NELL1: variants seen among roughly 807,000 people sequenced by gnomAD.
NELL1 encodes the protein protein kinase C-binding protein NELL1.
NELL1 carries 76 observed loss-of-function variants against 107.4 expected under a neutral mutation model. That is an observed-to-expected ratio of 0.71 (90% confidence interval 0.59 to 0.86). The LOEUF (loss-of-function observed/expected upper bound fraction) is 0.86. Among genes scored for constraint, NELL1 ranks in the 40% least tolerant of loss-of-function variants. The pLI is 0.00. For synonymous variants in NELL1, 353 were observed against 341.2 expected (o/e 1.03, Z -0.38); for missense variants, 1,024 against 1,005.5 (o/e 1.02, Z -0.25).
intron 14 of NELL1, among the ~76,000 whole-genome samples, chr11:21,328,852 C>G (rs1308915840): frequency 6.6e-6 from 1 of 152,106 alleles, no homozygotes; most frequent in Non-Finnish European, 1.5e-5. Flanking sequence ...GCCTGTAGCC[C>G]CTTTGTTTTG....
chr11:20,764,839 A>G (rs1383150557), intron 2 of NELL1, among the ~76,000 whole-genome samples: 1 of 152,038 alleles, frequency 6.6e-6, no homozygotes, highest in African/African-American at 2.4e-5. Context: ...ATCTCCAATC[A>G]AGGAATGAGA....
chr11:21,335,869 A>G (rs1266796388), intron 14 of NELL1, among the ~76,000 whole-genome samples: 7 of 152,094 alleles, frequency 4.6e-5, no homozygotes, highest in Admixed American at 4.6e-4. Context: ...AGCCCAGCCC[A>G]AAAGACAGAG....
intron 14 of NELL1, among the ~76,000 whole-genome samples, chr11:21,310,324 C>T (rs1042591923): frequency 2.4e-4 from 36 of 151,934 alleles, no homozygotes; most frequent in African/African-American, 7.5e-4. Flanking sequence ...CTGATAATTA[C>T]GGTATTACCT....
intron 15 of NELL1, among the ~76,000 whole-genome samples, chr11:21,454,009 T>C (rs1265655478): frequency 6.7e-6 from 1 of 149,648 alleles, no homozygotes; most frequent in Non-Finnish European, 1.5e-5. Flanking sequence ...ACATGTGCCA[T>C]GCTGGTGCGC....
At chr11:21,090,184 G>A (rs1565053747) in intron 12 of NELL1, among the ~76,000 whole-genome samples, 1 of 152,150 alleles carries the variant, frequency 6.6e-6, no homozygotes, top group Non-Finnish European at 1.5e-5. Flanking sequence ...GGTGTTAAAT[G>A]GCCCAGAAAC....
chr11:20,800,086 ATT>A (rs900255926), intron 3 of NELL1, among the ~76,000 whole-genome samples: 2 of 152,016 alleles, frequency 1.3e-5, no homozygotes, highest in Non-Finnish European at 2.9e-5. Flanking sequence ...TACGTACTAG[ATT>A]TTCTTTATCC....
chr11:21,194,455 A>G (rs778691587), intron 13 of NELL1, among the ~76,000 whole-genome samples: 1 of 151,880 alleles, frequency 6.6e-6, no homozygotes, highest in Non-Finnish European at 1.5e-5. Flanking sequence ...GGACCCCCCC[A>G]TAGAGATTCT....
At chr11:21,532,352 A>G (rs1183549493) in intron 15 of NELL1, among the ~76,000 whole-genome samples, 5 of 152,206 alleles carry the variant, frequency 3.3e-5, no homozygotes, top group African/African-American at 1.2e-4. Context: ...ATATCTGTGA[A>G]TTGAAAAAGT....
At chr11:21,462,772 C>T (rs978052152) in intron 15 of NELL1, among the ~76,000 whole-genome samples, 4 of 152,090 alleles carry the variant, frequency 2.6e-5, no homozygotes, top group East Asian at 3.9e-4. Flanking sequence ...AAGAGTCTAA[C>T]GTAGAAAAAT....
intron 2 of NELL1, among the ~76,000 whole-genome samples, chr11:20,716,747 C>A (rs754672173): frequency 6.6e-6 from 1 of 152,196 alleles, no homozygotes; most frequent in Non-Finnish European, 1.5e-5. Context: ...AACTTCTTCA[C>A]TTCATTTTTA....
chr11:21,459,281 T>G (rs1853835816), intron 15 of NELL1, among the ~76,000 whole-genome samples: 1 of 142,836 alleles, frequency 7.0e-6, no homozygotes, highest in African/African-American at 2.6e-5. Flanking sequence ...GTGCTATAAA[T>G]GAAGTAACCT....
At chr11:21,544,455 G>A (rs1247482065) in intron 16 of NELL1, among the ~76,000 whole-genome samples, 1 of 151,900 alleles carries the variant, frequency 6.6e-6, no homozygotes, top group Non-Finnish European at 1.5e-5. Context: ...AGTGATTAGA[G>A]AATATCAAAG....
intron 12 of NELL1, among the ~76,000 whole-genome samples, chr11:21,095,470 A>G (rs1854619169): frequency 6.6e-6 from 1 of 152,128 alleles, no homozygotes; most frequent in Admixed American, 6.5e-5. Context: ...TTACTGTATT[A>G]GTTTGTTTTC....
At chr11:21,492,526 G>A (rs1378172585) in intron 15 of NELL1, among the ~76,000 whole-genome samples, 1 of 151,784 alleles carries the variant, frequency 6.6e-6, no homozygotes, top group South Asian at 2.1e-4. Flanking sequence ...ACTGGATTAA[G>A]AAAATGTGGC....
At chr11:21,227,839 T>C (rs946321360) in intron 13 of NELL1, among the ~76,000 whole-genome samples, 5 of 152,194 alleles carry the variant, frequency 3.3e-5, no homozygotes, top group Admixed American at 3.3e-4. Flanking sequence ...ATCAGATGCA[T>C]GTGTGTGCCC....
chr11:21,268,532 C>T (rs1848678743), intron 14 of NELL1, among the ~76,000 whole-genome samples: 1 of 152,126 alleles, frequency 6.6e-6, no homozygotes, highest in Admixed American at 6.6e-5. Context: ...GAAAAATTCA[C>T]AGCTCCAGCC....
At chr11:21,302,241 C>T (rs977585715) in intron 14 of NELL1, among the ~76,000 whole-genome samples, 3 of 152,058 alleles carry the variant, frequency 2.0e-5, no homozygotes, top group Non-Finnish European at 4.4e-5. Flanking sequence ...AAGCCCATCA[C>T]AGCCTGAGGC....
rs188175919 is a variant in NELL1, at chr11:21,246,927, C to T, written c.1549+17473C>T. Among the ~76,000 whole-genome samples, 807 of 152,272 alleles carry T rather than the reference C, an allele frequency of 5.3e-3. 6 individuals are homozygous for T. The highest frequency in any genetic ancestry group is 0.019 in the African/African-American group (772 of 41,542). On this transcript the variant is annotated intron_variant, in intron 14 of 19. Transcript: ENST00000357134. ...TCACAAGAACAGTATGGGGGAACCG[C>T]CCCCATGATTCAATTATCTCCTACT...
chr11:21,490,458 C>CA lies in NELL1; in HGVS notation c.1646-43897dup, dbSNP rs66826369. Among the ~76,000 whole-genome samples, 305 of 109,930 alleles carry CA rather than the reference C, an allele frequency of 2.8e-3. 2 individuals are homozygous for CA. Among genetic ancestry groups the CA allele is most frequent in the African/African-American group, 6.7e-3 (198 of 29,458 alleles). 72.1% of individuals were successfully genotyped at this position (109,930 alleles called of 152,430 possible). A position where few individuals can be genotyped will look rare whatever the true frequency, so the allele number is the denominator to read the frequency against. On this transcript the variant is annotated intron_variant, in intron 15 of 19. Coordinates refer to ENST00000357134, the MANE Select transcript of NELL1 (RefSeq NM_006157.5). Reference sequence around the variant, plus strand: ...ATCAATTCTAAAATGTGTATGGAACCAAAAAAAAAAAAAAAAAAAGCCAGA... The same window carrying CA: ...ATCAATTCTAAAATGTGTATGGAACCAAAAAAAAAAAAAAAAAAAAGCCAGA...
Sources: gnomAD v4.1 joint callset for allele counts (sites outside exome capture counted in the v4.1 genomes callset) on GRCh38, gnomAD v4.1.1 for gene constraint, MANE v1.5 for transcripts, NCBI Gene and HGNC (gene_info 2026-07-23, HGNC 2026-07-21) for gene names.